The following AFF3 variants were observed in gnomAD, a reference collection of about 807,000 sequenced individuals.
The protein encoded by AFF3 is ALF transcription elongation factor 3.
In AFF3, 32 loss-of-function variants were observed where a neutral mutation model predicts 129.7. That is an observed-to-expected ratio of 0.25 (90% CI 0.19 to 0.33). The LOEUF is 0.33. AFF3 is among the 10% of genes least tolerant of loss of function. The pLI is 1.00. For synonymous variants in AFF3, 644 were observed against 635.4 expected (o/e 1.01, Z -0.20); for missense variants, 1,373 against 1,592.0 (o/e 0.86, Z 2.34).
chr2:99,907,151 G>A (rs1364139162), intron 7 of AFF3, among the ~76,000 whole-genome samples: 7 of 152,092 alleles, frequency 4.6e-5, no homozygotes, highest in Non-Finnish European at 1.0e-4. Context: ...CCTTTTGTAA[G>A]CTGGGCCTCT....
intron 4 of AFF3, among the ~76,000 whole-genome samples, chr2:100,038,885 G>A (rs1306188695): frequency 6.6e-6 from 1 of 151,920 alleles, no homozygotes; most frequent in Non-Finnish European, 1.5e-5. Flanking sequence ...ACCACGCCCG[G>A]CTAATTTTTT....
intron 7 of AFF3, among the ~76,000 whole-genome samples, chr2:99,936,549 A>G (rs1239488125): frequency 6.6e-6 from 1 of 152,178 alleles, no homozygotes; most frequent in Non-Finnish European, 1.5e-5. Flanking sequence ...GAGGCTGTGT[A>G]CTTACACAGT....
intron 7 of AFF3, among the ~76,000 whole-genome samples, chr2:99,839,996 G>T (rs935123811): frequency 3.3e-5 from 5 of 150,092 alleles, no homozygotes; most frequent in Admixed American, 6.6e-5. Flanking sequence ...CAAGCACTTT[G>T]CCCATGTTGT....
chr2:99,554,772 C>T (rs760246837), intron 22 of AFF3, 40 bp from the exon 23 acceptor site: 3 of 1,611,482 alleles, frequency 1.9e-6, no homozygotes, highest in Admixed American at 3.3e-5. Flanking sequence ...GTGCCATCTG[C>T]GTGAGGTGAA....
chr2:100,130,547 A>C (rs553062585), intron 1 of AFF3, among the ~76,000 whole-genome samples: 1 of 152,366 alleles, frequency 6.6e-6, no homozygotes, highest in Admixed American at 6.5e-5. Context: ...GTGTGCCCAC[A>C]GGCACATCAC....
intron 7 of AFF3, among the ~76,000 whole-genome samples, chr2:99,931,108 TAG>T (rs1696643837): frequency 1.3e-5 from 2 of 152,196 alleles, no homozygotes; most frequent in African/African-American, 4.8e-5. Context: ...ATCATGACTC[TAG>T]AATCAGTTGG....
At chr2:99,624,261 A>T (rs573648247) in intron 13 of AFF3, among the ~76,000 whole-genome samples, 104 of 152,250 alleles carry the variant, frequency 6.8e-4, no homozygotes, top group African/African-American at 2.5e-3. Flanking sequence ...TTCCCAGACT[A>T]TCTCCAGGTA....
rs554089604 is a variant in AFF3, at chr2:99,724,329, G to T, written c.1091+2748C>A. ...ATGCTGTTGCCCAGGCTGGAGTGCA[G>T]TGGTGCAATCTTGGCTCACTGCAAC... is the stretch of plus-strand genomic sequence containing the variant. On this transcript the variant is annotated intron_variant, in intron 11 of 24. Coordinates refer to ENST00000672756, the MANE Select transcript of AFF3 (RefSeq NM_001386135.1). Among the ~76,000 whole-genome samples, 152 of 127,916 alleles carry T rather than the reference G, an allele frequency of 1.2e-3. 1 individual carries two copies. Among genetic ancestry groups the T allele is most frequent in the African/African-American group, 4.4e-3 (145 of 32,898 alleles). The allele number at this position is 127,916 out of a possible 152,430, so 83.9% of individuals were successfully genotyped here.
chr2:100,071,515 C>T (rs1313501942), intron 4 of AFF3, among the ~76,000 whole-genome samples: 3 of 152,112 alleles, frequency 2.0e-5, no homozygotes, highest in Non-Finnish European at 4.4e-5. Flanking sequence ...CCACTTTACC[C>T]ACGAAACACG....
At chr2:99,626,530 T>C (rs1575541351) in intron 13 of AFF3, among the ~76,000 whole-genome samples, 1 of 108,116 alleles carries the variant, frequency 9.2e-6, no homozygotes, top group South Asian at 3.3e-4. Context: ...CTTCCTTCCT[T>C]CCTCCCTCCC....
At chr2:99,914,976 C>A (rs1695375843) in intron 7 of AFF3, among the ~76,000 whole-genome samples, 1 of 151,986 alleles carries the variant, frequency 6.6e-6, no homozygotes, top group Non-Finnish European at 1.5e-5. Flanking sequence ...AACTTACTCT[C>A]TGTAGATGTG....
intron 11 of AFF3, 117 bp downstream of exon 11, chr2:99,726,960 G>A: frequency 2.2e-6 from 2 of 926,340 alleles, no homozygotes; most frequent in Non-Finnish European, 3.1e-6. Context: ...CATGAGAAAA[G>A]AGAACCATGG....
At chr2:99,838,770 T>G (rs977497119) in intron 7 of AFF3, among the ~76,000 whole-genome samples, 1 of 152,206 alleles carries the variant, frequency 6.6e-6, no homozygotes, top group African/African-American at 2.4e-5. Context: ...GTTTACTTCC[T>G]GCAGTTCTGA....
chr2:99,962,850 A>AAATAATAATAAT (rs70940192), intron 7 of AFF3, among the ~76,000 whole-genome samples: 34 of 142,064 alleles, frequency 2.4e-4, no homozygotes, highest in South Asian at 4.5e-4. Context: ...AAGAGTATTC[A>AAATAATAATAAT]AATAATAATA....
intron 11 of AFF3, among the ~76,000 whole-genome samples, chr2:99,683,552 T>C (rs978435940): frequency 5.9e-5 from 9 of 152,050 alleles, no homozygotes; most frequent in African/African-American, 2.2e-4. Flanking sequence ...CAGGCTCAAG[T>C]GATCCTCCTG....
intron 7 of AFF3, among the ~76,000 whole-genome samples, chr2:99,902,377 C>A (rs1436297399): frequency 2.0e-5 from 3 of 152,034 alleles, no homozygotes; most frequent in Non-Finnish European, 1.5e-5. Context: ...GTGTGCGGCT[C>A]TTCTGAACGT....
chr2:100,007,343 G>T lies in AFF3; in HGVS notation c.292C>A (p.Pro98Thr). 1 of 1,614,136 alleles carries T rather than the reference G, an allele frequency of 6.2e-7. No homozygotes were observed. The highest frequency in any genetic ancestry group is 1.1e-5 in the South Asian group (1 of 91,076). Reference protein sequence around the residue: ...NQSHLVGVPKPGVPQTPVNKI... With the variant: ...NQSHLVGVPKTGVPQTPVNKI... ...TTCACAGGAGTCTGAGGAACCCCAG[G>T]TTTGGGAACTCCAACGAGATGACTC... The change falls in exon 6 of 25, where the codon CCT (proline) becomes ACT (threonine). Residue 98 changes from proline (P) to threonine (T), a missense_variant. Transcript: ENST00000672756.
At chr2:100,078,247 C>T (rs1688749785) in intron 4 of AFF3, among the ~76,000 whole-genome samples, 1 of 152,204 alleles carries the variant, frequency 6.6e-6, no homozygotes, top group South Asian at 2.1e-4. Flanking sequence ...CTGGTGAATT[C>T]AGCTTCTGCT....
intron 8 of AFF3, among the ~76,000 whole-genome samples, chr2:99,827,081 G>A (rs1424665889): frequency 1.3e-5 from 2 of 152,196 alleles, no homozygotes; most frequent in African/African-American, 2.4e-5. Flanking sequence ...AAAGCCGGCA[G>A]AGGTGTGAGA....
Sources: allele counts gnomAD v4.1 joint callset (sites outside exome capture counted in the v4.1 genomes callset), GRCh38; gene constraint gnomAD v4.1.1; transcripts MANE v1.5; gene names NCBI Gene and HGNC (gene_info 2026-07-23, HGNC 2026-07-21).